The following NCOA2 variants were observed in gnomAD, a reference collection of about 807,000 sequenced individuals.
NCOA2 encodes the protein nuclear receptor coactivator 2.
In NCOA2, 21 loss-of-function variants were observed where a neutral mutation model predicts 145.1. The ratio of observed to expected loss-of-function variants is 0.14; its 90% CI spans 0.10 to 0.21. NCOA2 has a LOEUF of 0.21. NCOA2 is among the 10% of genes least tolerant of loss of function. NCOA2 has a pLI of 1.00. For synonymous variants in NCOA2, 619 were observed against 637.5 expected, an observed-to-expected ratio of 0.97 and a Z score of 0.44; for missense variants, 1,472 against 1,837.6, an observed-to-expected ratio of 0.80 and a Z score of 3.64.
At chr8:70,144,071 G>C (rs1036707202) in intron 13 of NCOA2, among the ~76,000 whole-genome samples, 2 of 152,164 alleles carry the variant, frequency 1.3e-5, no homozygotes, top group African/African-American at 4.8e-5. Context: ...CCAGACACCT[G>C]CAATTATAGC....
chr8:70,287,252 TATTA>T lies in NCOA2; in HGVS notation c.-20+9488_-20+9491del, dbSNP rs59932009. Among the ~76,000 whole-genome samples, 416 of 151,716 alleles carry T rather than the reference TATTA, an allele frequency of 2.7e-3. 1 individual carries two copies. The highest frequency in any genetic ancestry group is 0.024 in the Middle Eastern group (7 of 294). ...GAGCAAGATCCTGTCTCAAAAAATA[TATTA>T]ATTAATTAATTAATTAATTAGGTTT... On this transcript the variant is annotated intron_variant, in intron 2 of 22. Transcript: ENST00000452400.
intron 4 of NCOA2, among the ~76,000 whole-genome samples, chr8:70,198,505 C>T (rs1208751702): frequency 6.6e-6 from 1 of 152,142 alleles, no homozygotes; most frequent in East Asian, 1.9e-4. Context: ...AGGAGTTACA[C>T]AGCCAATGTA....
intron 2 of NCOA2, among the ~76,000 whole-genome samples, chr8:70,258,501 G>C (rs1251448793): frequency 2.6e-5 from 4 of 152,042 alleles, no homozygotes; most frequent in Non-Finnish European, 4.4e-5. Flanking sequence ...TAGGAAATCT[G>C]TATCTGCTAC....
At chr8:70,301,735 GA>G (rs1827521776) in intron 1 of NCOA2, among the ~76,000 whole-genome samples, 1 of 147,710 alleles carries the variant, frequency 6.8e-6, no homozygotes, top group Non-Finnish European at 1.5e-5. Flanking sequence ...ATGGACAACT[GA>G]AAACATGGAA....
chr8:70,412,882 G>T, the NCOA2 span, among the ~76,000 whole-genome samples: 99 of 151,990 alleles, frequency 6.5e-4, no homozygotes, highest in Admixed American at 4.2e-3. Context: ...TAGATCACTG[G>T]AGGCCAAGAG....
chr8:70,215,759 G>T (rs922681682), intron 3 of NCOA2, among the ~76,000 whole-genome samples: 3 of 151,626 alleles, frequency 2.0e-5, no homozygotes, highest in Non-Finnish European at 4.4e-5. Flanking sequence ...GTAACTATTT[G>T]CCCAGTTCTC....
chr8:70,295,084 G>A (rs779587154), intron 2 of NCOA2, among the ~76,000 whole-genome samples: 1 of 152,078 alleles, frequency 6.6e-6, no homozygotes, highest in Non-Finnish European at 1.5e-5. Context: ...AAAATAAAAC[G>A]AGACAAGAAC....
chr8:70,210,296 T>A (rs1436144978), intron 4 of NCOA2, among the ~76,000 whole-genome samples: 1 of 152,224 alleles, frequency 6.6e-6, no homozygotes, highest in Non-Finnish European at 1.5e-5. Context: ...TCTTAGCTAG[T>A]ATTAAAAATT....
intron 2 of NCOA2, among the ~76,000 whole-genome samples, chr8:70,245,699 AT>A: frequency 6.6e-6 from 1 of 152,244 alleles, no homozygotes; most frequent in South Asian, 2.1e-4. Context: ...TGAAAATATA[AT>A]TTCTAGATCT....
intron 1 of NCOA2, among the ~76,000 whole-genome samples, chr8:70,389,939 T>G (rs1813036735): frequency 1.3e-5 from 2 of 152,190 alleles, no homozygotes; most frequent in Admixed American, 1.3e-4. Flanking sequence ...GTGCTGGGAT[T>G]ACAGCCATGA....
chr8:70,161,998 G>T (rs1418567403), intron 9 of NCOA2, among the ~76,000 whole-genome samples: 1 of 152,064 alleles, frequency 6.6e-6, no homozygotes, highest in Non-Finnish European at 1.5e-5. Context: ...AATGAGCTCA[G>T]ATGGACGTCC....
At position 70,224,726 on chromosome 8, in the gene NCOA2, TG is replaced by T. The variant is rs532378180; in HGVS notation, c.-19-7963del. Among the ~76,000 whole-genome samples the T allele has an allele frequency of 2.9e-3, 435 of 151,994 alleles. 3 individuals carry two copies. Among genetic ancestry groups the T allele is most frequent in the South Asian group, 4.4e-3 (21 of 4,824 alleles). On this transcript the variant is annotated intron_variant, in intron 2 of 22. Coordinates refer to ENST00000452400, the MANE Select transcript of NCOA2 (RefSeq NM_006540.4). ...GAGTCTTAGTTTTCACAGAAACAAA[TG>T]TATCTTTTCAAACTCACACTTGATA...
At chr8:70,340,860 G>A (rs1394665974) in intron 1 of NCOA2, among the ~76,000 whole-genome samples, 1 of 152,072 alleles carries the variant, frequency 6.6e-6, no homozygotes, top group Non-Finnish European at 1.5e-5. Flanking sequence ...GTTTTTACTT[G>A]TAAGTGGGAG....
At chr8:70,273,820 C>T (rs1825255240) in intron 2 of NCOA2, 1 of 569,396 alleles carries the variant, frequency 1.8e-6, no homozygotes, top group South Asian at 1.4e-5. Context: ...TTGGATGAGG[C>T]TTCCAAGAAT....
intron 2 of NCOA2, among the ~76,000 whole-genome samples, chr8:70,236,606 G>A (rs930402199): frequency 6.6e-6 from 1 of 152,010 alleles, no homozygotes; most frequent in Admixed American, 6.6e-5. Context: ...CGCCTATACA[G>A]CTGGCCCTCT....
rs57845535 is a variant in NCOA2 at position 70,303,186 on chromosome 8, C to A, written c.-76-6386G>T. On this transcript the variant is annotated intron_variant, in intron 1 of 22. Transcript: ENST00000452400. ...GGCAGCCCTTGACTTGAAAATAGCA[C>A]TTGAATCCATAGAAATGGTTAAGAT... Among the ~76,000 whole-genome samples the A allele has an allele frequency of 4.2e-3, 643 of 152,234 alleles. 5 individuals are homozygous for A. The highest frequency in any genetic ancestry group is 0.015 in the African/African-American group (614 of 41,540).
In NCOA2 at chr8:70,214,315, A is replaced by G. The variant is rs16936823; in HGVS notation, c.87-240T>C. Among the ~76,000 whole-genome samples, 574 of 152,306 alleles carry G rather than the reference A, an allele frequency of 3.8e-3. 4 individuals carry two copies. The highest frequency in any genetic ancestry group is 0.013 in the African/African-American group (529 of 41,564). ...CAATGTGTTTGGCGTCTCCCACTGG[A>G]CTGTCCACTTCACAGTGACCTGGAC... On this transcript the variant is annotated intron_variant, in intron 3 of 22. Transcript: ENST00000452400.
At chr8:70,279,147 C>T (rs1825689546) in intron 2 of NCOA2, among the ~76,000 whole-genome samples, 1 of 152,180 alleles carries the variant, frequency 6.6e-6, no homozygotes, top group Non-Finnish European at 1.5e-5. Context: ...TGAGGAACAA[C>T]TGGAGTTCAT....
chr8:70,138,903 A>G (rs1810053213), intron 14 of NCOA2, among the ~76,000 whole-genome samples: 1 of 152,278 alleles, frequency 6.6e-6, no homozygotes, highest in Non-Finnish European at 1.5e-5. Flanking sequence ...ACTCTACCAT[A>G]ACGCTTGGGC....
Sources: gnomAD v4.1 joint callset for allele counts (sites outside exome capture counted in the v4.1 genomes callset) on GRCh38, gnomAD v4.1.1 for gene constraint, MANE v1.5 for transcripts, NCBI Gene and HGNC (gene_info 2026-07-23, HGNC 2026-07-21) for gene names.